Variants in KRI1 observed in about 807,000 individuals in gnomAD.
KRI1 encodes the protein KRI1 homolog.
KRI1 carries 83 observed loss-of-function variants against 97.0 expected under a neutral mutation model. That is an observed-to-expected ratio of 0.86 (90% CI 0.72 to 1.03). The LOEUF is 1.03. KRI1 is among the 50% of genes least tolerant of loss of function. The pLI is 0.00. For missense variants in KRI1, 916 were observed against 928.4 expected (o/e 0.99, Z 0.17); for synonymous variants, 371 against 363.5 (o/e 1.02, Z -0.23).
intron 12 of KRI1, among the ~76,000 whole-genome samples, chr19:10,558,968 G>C (rs552194742): frequency 2.5e-4 from 37 of 150,968 alleles, no homozygotes; most frequent in Non-Finnish European, 4.9e-4. Context: ...GCCTCCCAAA[G>C]TGCTGGGATT....
Position 10,554,044 on chromosome 19 carries a change from T to C in KRI1, c.2019A>G (p.Arg673=). ...MLGGCEFSRQ[R]LQAFGLNPKR... ...TGGGGTTGAGGCCAAAGGCCTGCAG[T>C]CTCTGGCGGCTGAACTCGCATCCAC... Residue 673 remains arginine (R), a synonymous_variant, in exon 19 of 19, where the codon AGA becomes AGG. Transcript: ENST00000312962. 6.2e-7 allele frequency: 1 copy of C among 1,614,108 alleles called. No homozygotes were observed. The highest frequency in any genetic ancestry group is 8.5e-7 in the Non-Finnish European group (1 of 1,180,016).
chr19:10,563,377 CAG>C lies in KRI1; in HGVS notation c.275-542_275-541del, dbSNP rs1338206134. Among the ~76,000 whole-genome samples, 5 of 145,676 alleles carry C rather than the reference CAG, an allele frequency of 3.4e-5. No homozygotes were observed. The Admixed American group carries it at 3.5e-4, about 10-fold the overall frequency. ...GGCCATTATTATTATTTTTTTGAGACAGAGTCTCACTCCGTTGCCCAGTGCAT... is the reference window on the plus strand; with the variant it reads ...GGCCATTATTATTATTTTTTTGAGACAGTCTCACTCCGTTGCCCAGTGCAT... On this transcript the variant is annotated intron_variant, in intron 3 of 18. Transcript: ENST00000312962.
At chr19:10,560,277 C>T (rs763869837) in intron 9 of KRI1, 35 bp downstream of exon 9, 2 of 1,559,636 alleles carry the variant, frequency 1.3e-6, no homozygotes, top group South Asian at 2.3e-5. Flanking sequence ...GAAGCGCACC[C>T]AAAATCTAGG....
At chr19:10,560,238 C>T in intron 9 of KRI1, 74 bp downstream of exon 9, 1 of 1,496,574 alleles carries the variant, frequency 6.7e-7, no homozygotes, top group Admixed American at 2.2e-5. Flanking sequence ...CCTCTGCCTC[C>T]TGGCCAGTGC....
rs767677258 is a variant in KRI1 at position 10,555,064 on chromosome 19, C to A, written c.1781+23G>T. On this transcript the variant is annotated intron_variant, in intron 18 of 18. Transcript: ENST00000312962. Reference sequence around the variant, plus strand: ...GGGCCTGACAGGCTCCCCACCCACGCTTCCCCAGCCAGCACTGCTTACTCT... The same window carrying A: ...GGGCCTGACAGGCTCCCCACCCACGATTCCCCAGCCAGCACTGCTTACTCT... 1.9e-6 allele frequency: 3 copies of A among 1,601,452 alleles called. No individual in the cohort carries two copies. The Admixed American group carries it at 5.0e-5, about 27-fold the overall frequency.
chr19:10,555,333 T>G lies in KRI1; in HGVS notation c.1634A>C (p.Asp545Ala). ...GGAGCACCACCGGTTCAGCTCCTTA[T>G]CGTCAGCAGCGAGGATCTGCGTGGG... ...LSTEEILAAD[D>A]KELNRWCSLK... Residue 545 changes from aspartate (D) to alanine (A), a missense_variant, in exon 17 of 19, where the codon GAT becomes GCT. Asp to Ala is a moderately radical substitution (Grantham distance 126). This residue lies in a region of KRI1 where 672 missense variants were observed against 667.2 expected (regional missense o/e 1.01). Transcript: ENST00000312962. 5.6e-6 allele frequency: 9 copies of G among 1,612,912 alleles called. No homozygotes were observed. Among genetic ancestry groups the G allele is most frequent in the Non-Finnish European group, 7.6e-6 (9 of 1,179,668 alleles).
rs776515700 is a variant in KRI1, at chr19:10,554,090, A to T, written c.1973T>A (p.Leu658Gln). Reference sequence around the variant, plus strand: ...TCCACCAAGCATCACAGTGGGGCCCAGCAGCCGTGCCTTCTTGGCCCTCCT... The same window carrying T: ...TCCACCAAGCATCACAGTGGGGCCCTGCAGCCGTGCCTTCTTGGCCCTCCT... ...KRRRAKKARL[L>Q]GPTVMLGGCE... is the part of the protein sequence containing the mutation. Residue 658 changes from leucine (L) to glutamine (Q), a missense_variant, in exon 19 of 19, where the codon CTG (leucine) becomes CAG (glutamine). Transcript: ENST00000312962. 3 of 1,614,072 alleles carry T rather than the reference A, an allele frequency of 1.9e-6. No individual in the cohort carries two copies. Among genetic ancestry groups the T allele is most frequent in the African/African-American group, 2.7e-5 (2 of 74,942 alleles).
chr19:10,560,774 G>A (rs1050171280), intron 8 of KRI1, among the ~76,000 whole-genome samples: 1 of 151,984 alleles, frequency 6.6e-6, no homozygotes, highest in African/African-American at 2.4e-5. Flanking sequence ...ATGTTGCCCA[G>A]GCCAGTCTCA....
chr19:10,561,339 T>C, intron 6 of KRI1, 74 bp from the exon 7 acceptor site: 2 of 1,374,610 alleles, frequency 1.5e-6, no homozygotes, highest in Middle Eastern at 1.9e-4. Context: ...TTATTTTATT[T>C]TGTAGAGCTG....
At chr19:10,562,643 G>A in intron 4 of KRI1, 86 bp downstream of exon 4, 3 of 790,938 alleles carry the variant, frequency 3.8e-6, no homozygotes, top group Non-Finnish European at 4.4e-6. Context: ...CAGGCTGCCA[G>A]CTTTTTTCCC....
At chr19:10,557,416 C>T in intron 16 of KRI1, 136 bp downstream of exon 16, 1 of 1,042,626 alleles carries the variant, frequency 9.6e-7, no homozygotes, top group Admixed American at 2.4e-5. Flanking sequence ...CGAATATTAT[C>T]ATTTTCAAGA....
intron 12 of KRI1, among the ~76,000 whole-genome samples, chr19:10,558,679 A>AT (rs1916596642): frequency 6.6e-6 from 1 of 151,484 alleles, no homozygotes; most frequent in South Asian, 2.1e-4. Context: ...AATAGCTGGG[A>AT]TTACAGGCAT....
At chr19:10,562,912 G>A (rs768517433) in intron 3 of KRI1, 75 bp from the exon 4 acceptor site, 8 of 911,696 alleles carry the variant, frequency 8.8e-6, no homozygotes, top group Non-Finnish European at 1.5e-5. Flanking sequence ...CCACAGGGCA[G>A]GGCCAGGGTT....
chr19:10,560,484 AG>A, intron 8 of KRI1, 36 bp from the exon 9 acceptor site: 1 of 1,496,668 alleles, frequency 6.7e-7, no homozygotes, highest in Non-Finnish European at 9.2e-7. Context: ...TGGTCAATGG[AG>A]GACAGGGAAG....
chr19:10,558,941 G>A (rs868799147), intron 12 of KRI1, among the ~76,000 whole-genome samples: 1 of 151,500 alleles, frequency 6.6e-6, no homozygotes, highest in South Asian at 2.1e-4. Context: ...TCCTGACCTC[G>A]TGATCCGCCT....
Position 10,559,420 on chromosome 19 carries a change from C to T in KRI1, c.1133G>A (p.Gly378Asp). The T allele has an allele frequency of 1.9e-6, 3 of 1,614,122 alleles. No individual in the cohort carries two copies. The highest frequency in any genetic ancestry group is 2.5e-6 in the Non-Finnish European group (3 of 1,180,026). ...GTCTTCAAGGTCCCCCTCCTCGAGG[C>T]CCAGCATCTCGTTGCCTGTTACTTT... is the stretch of plus-strand genomic sequence containing the variant. ...LRKVTGNEMLGLEEGDLEDDF... is the reference protein window; with the variant it reads ...LRKVTGNEMLDLEEGDLEDDF... The change falls in exon 12 of 19, where the codon GGC becomes GAC. Residue 378 changes from glycine (G) to aspartate (D), a missense_variant. Physicochemically the swap from Gly to Asp is moderately conservative, Grantham distance 94. This residue lies in a region of KRI1 where 672 missense variants were observed against 667.2 expected (regional missense o/e 1.01). Transcript: ENST00000312962.
intron 18 of KRI1, 142 bp downstream of exon 18, chr19:10,554,945 G>T: frequency 1.6e-6 from 1 of 629,076 alleles, no homozygotes; most frequent in Non-Finnish European, 2.8e-6. Context: ...CAACGTTGGT[G>T]CCCATATAGG....
intron 3 of KRI1, among the ~76,000 whole-genome samples, 190 bp from the exon 4 acceptor site, chr19:10,563,027 TTTGA>T (rs989953527): frequency 6.6e-5 from 10 of 152,222 alleles, no homozygotes; most frequent in African/African-American, 2.2e-4. Flanking sequence ...TAATTCCTGC[TTTGA>T]TTATTATTAT....
rs367906236 is a variant in KRI1, at chr19:10,557,816, G to A, written c.1439C>T (p.Ser480Leu). The change falls in exon 15 of 19, where the codon TCG becomes TTG. Residue 480 changes from serine (S) to leucine (L), a missense_variant. Physicochemically the swap from Ser to Leu is moderately radical, Grantham distance 145. Transcript: ENST00000312962. ...CTGCCCCACGGCCGCGGCGAAGGGC[G>A]ACTTGCGCTTCTTCTTGCCCGTCAA... Reference protein sequence around the residue: ...APLTGKKKRKSPFAAAVGQEK... With the variant: ...APLTGKKKRKLPFAAAVGQEK... The A allele has an allele frequency of 9.6e-5, 155 of 1,613,286 alleles. 1 individual carries two copies. Among genetic ancestry groups the A allele is most frequent in the Non-Finnish European group, 1.2e-4 (144 of 1,179,952 alleles).
Sources: allele counts gnomAD v4.1 joint callset (sites outside exome capture counted in the v4.1 genomes callset), GRCh38; gene constraint gnomAD v4.1.1; regional missense constraint gnomAD v4.1.1; transcripts MANE v1.5; gene names NCBI Gene and HGNC (gene_info 2026-07-23, HGNC 2026-07-21).